COLEC11: variants seen among roughly 807,000 people sequenced by gnomAD.
COLEC11 encodes the protein collectin-11.
COLEC11 carries 20 observed loss-of-function variants against 27.3 expected under a neutral mutation model. The ratio of observed to expected loss-of-function variants is 0.73; its 90% confidence interval spans 0.51 to 1.06. COLEC11 has a LOEUF of 1.06. Among genes scored for constraint, COLEC11 ranks in the 50% least tolerant of loss-of-function variants. COLEC11 has a pLI of 0.00. For synonymous variants in COLEC11, 163 were observed against 154.7 expected, an observed-to-expected ratio of 1.05 and a Z score of -0.40; for missense variants, 310 against 383.0, an observed-to-expected ratio of 0.81 and a Z score of 1.59.
chr2:3,611,217 C>T (rs115089908), intron 2 of COLEC11, among the ~76,000 whole-genome samples: 3,624 of 152,214 alleles, frequency 0.024, 153 homozygotes, highest in African/African-American at 0.081. Flanking sequence ...ACAAAGCCTG[C>T]ATTTCTTATT....
intron 1 of COLEC11, among the ~76,000 whole-genome samples, chr2:3,599,827 C>T (rs1342112211): frequency 6.6e-6 from 1 of 152,192 alleles, no homozygotes; most frequent in Non-Finnish European, 1.5e-5. Context: ...CTCCCAGCAC[C>T]CGTCAGTGGC....
chr2:3,632,492 G>A (rs55996643), intron 3 of COLEC11, among the ~76,000 whole-genome samples: 8,054 of 152,228 alleles, frequency 0.053, 692 homozygotes, highest in African/African-American at 0.18. Context: ...CGTCTCACGC[G>A]GCCTTTCCTC....
intron 3 of COLEC11, among the ~76,000 whole-genome samples, chr2:3,630,501 T>C (rs898947862): frequency 2.6e-5 from 4 of 152,240 alleles, no homozygotes; most frequent in African/African-American, 9.6e-5. Flanking sequence ...GTGGTCTTTT[T>C]TACATTGTTT....
chr2:3,610,315 A>G (rs11123641), intron 2 of COLEC11, among the ~76,000 whole-genome samples: 105,041 of 152,094 alleles, frequency 0.69, 36,798 homozygotes, highest in South Asian at 0.89. Flanking sequence ...TTTCTTAAGC[A>G]GTATGAGAAG....
chr2:3,602,286 G>A lies in COLEC11; in HGVS notation c.-26-2029G>A, dbSNP rs929541916. ...CCCAAGCCTTGCAAACCGAACCATT[G>A]CTCCACCCACTGGGTCACATAGGAG... On this transcript the variant is annotated intron_variant, in intron 1 of 6. Coordinates refer to ENST00000349077, the MANE Select transcript of COLEC11 (RefSeq NM_024027.5). The surrounding 1 kb of genome is among the most constrained non-coding windows in gnomAD (Gnocchi z 6.2). Among the ~76,000 whole-genome samples the A allele has an allele frequency of 6.6e-6, 1 of 152,066 alleles. No homozygotes were observed. Among genetic ancestry groups the A allele is most frequent in the Non-Finnish European group, 1.5e-5 (1 of 68,026 alleles).
chr2:3,608,975 G>A (rs1401748719), intron 2 of COLEC11, among the ~76,000 whole-genome samples: 1 of 152,230 alleles, frequency 6.6e-6, no homozygotes, highest in East Asian at 1.9e-4. Flanking sequence ...GGCTTACGCT[G>A]GGTTTTGCAC....
chr2:3,621,364 C>A (rs1290287318), intron 3 of COLEC11, among the ~76,000 whole-genome samples: 2 of 152,164 alleles, frequency 1.3e-5, no homozygotes, highest in African/African-American at 4.8e-5. Flanking sequence ...GTTTTGGTTT[C>A]AATTTGTGTG....
intron 5 of COLEC11, among the ~76,000 whole-genome samples, chr2:3,640,538 C>T (rs1193903349): frequency 9.5e-6 from 1 of 105,608 alleles, no homozygotes; most frequent in East Asian, 2.9e-4. Context: ...TCACATCCCA[C>T]GGTGGACACC....
At chr2:3,626,117 T>C in intron 3 of COLEC11, 1 of 1,591,980 alleles carries the variant, frequency 6.3e-7, no homozygotes, top group Non-Finnish European at 8.6e-7. Flanking sequence ...AATCCCACCT[T>C]CACACTTAAG....
chr2:3,638,020 GA>G (rs1411228433), intron 4 of COLEC11, among the ~76,000 whole-genome samples: 2 of 152,248 alleles, frequency 1.3e-5, no homozygotes, highest in African/African-American at 4.8e-5. Flanking sequence ...GAGGTGATGG[GA>G]TGGTTCTTGG....
At chr2:3,612,193 C>T (rs1365382923) in intron 2 of COLEC11, among the ~76,000 whole-genome samples, 3 of 152,030 alleles carry the variant, frequency 2.0e-5, no homozygotes, top group African/African-American at 4.8e-5. Context: ...CACACATACA[C>T]GTGCACACCT....
chr2:3,596,050 G>C (rs1661816127), intron 1 of COLEC11, among the ~76,000 whole-genome samples: 1 of 152,206 alleles, frequency 6.6e-6, no homozygotes, highest in African/African-American at 2.4e-5. Context: ...GAGAGGATAG[G>C]TGCCTTCTTA....
intron 3 of COLEC11, among the ~76,000 whole-genome samples, chr2:3,631,052 G>A (rs777018502): frequency 5.3e-5 from 8 of 152,122 alleles, no homozygotes; most frequent in Non-Finnish European, 1.2e-4. Context: ...CTAACATGGT[G>A]AAACCCCATC....
At chr2:3,604,271 G>C in intron 1 of COLEC11, 44 bp from the exon 2 acceptor site, 2 of 1,608,328 alleles carry the variant, frequency 1.2e-6, no homozygotes, top group Non-Finnish European at 1.7e-6. Context: ...CTGGCTGCCC[G>C]GCTGTTGCAG....
chr2:3,606,342 TC>T, intron 2 of COLEC11: 2 of 1,040,048 alleles, frequency 1.9e-6, no homozygotes, highest in Non-Finnish European at 2.9e-6. Context: ...TTCCCAGCTG[TC>T]CACGTCCTGG....
chr2:3,598,622 T>G (rs1180455945), intron 1 of COLEC11, among the ~76,000 whole-genome samples: 2 of 152,032 alleles, frequency 1.3e-5, no homozygotes, highest in Non-Finnish European at 2.9e-5. Flanking sequence ...TCGGTTGCCC[T>G]TATTGTTCTA....
chr2:3,642,876 G>A (rs1219338978), intron 5 of COLEC11, among the ~76,000 whole-genome samples: 2 of 152,066 alleles, frequency 1.3e-5, no homozygotes, highest in African/African-American at 4.8e-5. Context: ...CGTCCCTCAC[G>A]CCCTGTGTGT....
At position 3,613,409 on chromosome 2, in the gene COLEC11, A is replaced by C. The variant is rs1265883397; in HGVS notation, c.202+27A>C. On this transcript the variant is annotated intron_variant, in intron 3 of 6. Coordinates refer to ENST00000349077, the MANE Select transcript of COLEC11 (RefSeq NM_024027.5). ...TACCTGCAGCCCTGGGCCGGCCCTC[A>C]GAGCTCTGAGGATGGAGGCACCGCT... 4 of 1,566,898 alleles carry C rather than the reference A, an allele frequency of 2.6e-6. No homozygotes were observed. The African/African-American group carries it at 5.4e-5, about 21-fold the overall frequency.
At chr2:3,625,664 G>A (rs1375279860) in intron 3 of COLEC11, among the ~76,000 whole-genome samples, 2 of 110,388 alleles carry the variant, frequency 1.8e-5, no homozygotes, top group Non-Finnish European at 3.3e-5. Flanking sequence ...TCTCACTCTC[G>A]CTCTGTTGTC....
Sources: allele counts gnomAD v4.1 joint callset (sites outside exome capture counted in the v4.1 genomes callset), GRCh38; gene constraint gnomAD v4.1.1; non-coding constraint Gnocchi (gnomAD v3.1); transcripts MANE v1.5; gene names NCBI Gene and HGNC (gene_info 2026-07-23, HGNC 2026-07-21).